SAMD12: variants seen among roughly 807,000 people sequenced by gnomAD.
SAMD12 encodes sterile alpha motif domain containing 12.
In SAMD12, 9 loss-of-function variants were observed where a neutral mutation model predicts 15.0. That is an observed-to-expected ratio of 0.60 (90% CI 0.36 to 1.05). SAMD12 has a LOEUF of 1.05. Among genes scored for constraint, SAMD12 ranks in the 50% least tolerant of loss-of-function variants. The pLI is 0.01. For missense variants in SAMD12, 230 were observed against 234.2 expected (o/e 0.98, Z 0.12); for synonymous variants, 86 against 90.1 (o/e 0.96, Z 0.25).
At chr8:118,523,896 C>G (rs773228656) in intron 2 of SAMD12, among the ~76,000 whole-genome samples, 7 of 152,142 alleles carry the variant, frequency 4.6e-5, no homozygotes, top group Non-Finnish European at 8.8e-5. Context: ...GTCCCTGAAC[C>G]CACTTACTCT....
chr8:118,166,645 T>C, the SAMD12 span, among the ~76,000 whole-genome samples: 1 of 152,356 alleles, frequency 6.6e-6, no homozygotes, highest in South Asian at 2.1e-4. Context: ...AAGTGTATTG[T>C]GCATTATTGC....
At chr8:118,535,835 G>C (rs1270526157) in intron 2 of SAMD12, among the ~76,000 whole-genome samples, 1 of 152,194 alleles carries the variant, frequency 6.6e-6, no homozygotes, top group Non-Finnish European at 1.5e-5. Context: ...GATTTTCCAG[G>C]TGCCTTCTGT....
intron 2 of SAMD12, among the ~76,000 whole-genome samples, chr8:118,573,804 G>C (rs1383637434): frequency 6.6e-6 from 1 of 152,150 alleles, no homozygotes; most frequent in Non-Finnish European, 1.5e-5. Flanking sequence ...CATAAACCCA[G>C]AGGCAAGGGA....
chr8:118,229,075 G>A (rs1262250343), intron 4 of SAMD12, among the ~76,000 whole-genome samples: 3 of 152,098 alleles, frequency 2.0e-5, no homozygotes, highest in African/African-American at 7.2e-5. Flanking sequence ...ATATGTGGGA[G>A]CTAAGCTATG....
At chr8:118,503,633 G>A (rs1320979283) in intron 2 of SAMD12, among the ~76,000 whole-genome samples, 1 of 152,170 alleles carries the variant, frequency 6.6e-6, no homozygotes, top group East Asian at 1.9e-4. Flanking sequence ...GTGTTTTGAG[G>A]CTAAACCTTG....
intron 4 of SAMD12, among the ~76,000 whole-genome samples, chr8:118,222,994 C>T (rs762355517): frequency 1.3e-5 from 2 of 151,980 alleles, no homozygotes; most frequent in African/African-American, 2.4e-5. Context: ...CCAGCAGCCT[C>T]GAGAATGGGT....
chr8:118,574,954 A>T (rs2131244665), intron 2 of SAMD12, among the ~76,000 whole-genome samples: 1 of 152,348 alleles, frequency 6.6e-6, no homozygotes, highest in African/African-American at 2.4e-5. Flanking sequence ...AAGGCAGCTA[A>T]GCAATGTAAT....
the SAMD12 span, among the ~76,000 whole-genome samples, chr8:118,148,900 G>A: frequency 6.6e-6 from 1 of 152,196 alleles, no homozygotes; most frequent in East Asian, 1.9e-4. Context: ...TCTATTGTAC[G>A]GTTATACGGC....
At chr8:118,472,142 C>A (rs898043339) in intron 2 of SAMD12, among the ~76,000 whole-genome samples, 2 of 152,124 alleles carry the variant, frequency 1.3e-5, no homozygotes, top group Non-Finnish European at 2.9e-5. Flanking sequence ...AAAAAATTAG[C>A]CGGGCGTGGT....
chr8:118,583,550 A>G (rs1827348109), intron 1 of SAMD12, among the ~76,000 whole-genome samples: 4 of 151,708 alleles, frequency 2.6e-5, no homozygotes, highest in Non-Finnish European at 4.4e-5. Flanking sequence ...ATACCACTGA[A>G]CTGCTGGTAG....
At chr8:118,567,145 G>GT (rs1297964211) in intron 2 of SAMD12, among the ~76,000 whole-genome samples, 1 of 152,126 alleles carries the variant, frequency 6.6e-6, no homozygotes, top group African/African-American at 2.4e-5. Flanking sequence ...GAGGTAGATA[G>GT]TATTATTATT....
rs532265309 is a variant in SAMD12, at chr8:118,503,363, A to C, written c.193-63402T>G. Among the ~76,000 whole-genome samples, 36 of 152,278 alleles carry C rather than the reference A, an allele frequency of 2.4e-4. No homozygotes were observed. The South Asian group carries it at 6.0e-3, about 25-fold the overall frequency. On this transcript the variant is annotated intron_variant, in intron 2 of 3. Transcript: ENST00000314727. ...TTTCTGGGGCTGGGAATCGGTCTTT[A>C]ATAGGGCAGGTCCTTTAATGGAAAG...
chr8:118,594,116 A>T (rs553287724), intron 1 of SAMD12, among the ~76,000 whole-genome samples: 1 of 152,280 alleles, frequency 6.6e-6, no homozygotes, highest in Non-Finnish European at 1.5e-5. Context: ...ATGAACAGGG[A>T]TTCAGAGATA....
chr8:118,305,961 C>T (rs1267702042), intron 4 of SAMD12, among the ~76,000 whole-genome samples: 1 of 152,124 alleles, frequency 6.6e-6, no homozygotes, highest in African/African-American at 2.4e-5. Flanking sequence ...TGCATCTCCT[C>T]CTGGTTCCAG....
intron 4 of SAMD12, among the ~76,000 whole-genome samples, chr8:118,214,369 C>T (rs1811907314): frequency 6.6e-6 from 1 of 152,180 alleles, no homozygotes; most frequent in South Asian, 2.1e-4. Flanking sequence ...CCTTTTGTTT[C>T]AACATGCAGC....
intron 4 of SAMD12, among the ~76,000 whole-genome samples, chr8:118,292,994 A>G (rs950745120): frequency 2.6e-5 from 4 of 151,994 alleles, no homozygotes; most frequent in Non-Finnish European, 5.9e-5. Flanking sequence ...TGGCACATGT[A>G]TACATATGTA....
chr8:118,351,563 A>G (rs1817966575), intron 4 of SAMD12, among the ~76,000 whole-genome samples: 1 of 151,996 alleles, frequency 6.6e-6, no homozygotes, highest in Non-Finnish European at 1.5e-5. Context: ...GTGTATGTTA[A>G]CCCTAACCTG....
At chr8:118,296,361 G>A (rs1464762626) in intron 4 of SAMD12, among the ~76,000 whole-genome samples, 1 of 152,168 alleles carries the variant, frequency 6.6e-6, no homozygotes, top group Non-Finnish European at 1.5e-5. Flanking sequence ...TCTGCCTCTA[G>A]CTGCAGCTCA....
chr8:118,598,054 C>T (rs1431266031), intron 1 of SAMD12, among the ~76,000 whole-genome samples: 1 of 152,094 alleles, frequency 6.6e-6, no homozygotes, highest in African/African-American at 2.4e-5. Flanking sequence ...TATTTGTTTC[C>T]TTCTGTAAGG....
Sources: gnomAD v4.1 joint callset for allele counts (sites outside exome capture counted in the v4.1 genomes callset) on GRCh38, gnomAD v4.1.1 for gene constraint, MANE v1.5 for transcripts, NCBI Gene and HGNC (gene_info 2026-07-23, HGNC 2026-07-21) for gene names.